SDCCAG8: variants seen among roughly 807,000 people sequenced by gnomAD.
SDCCAG8 encodes the protein SHH signaling and ciliogenesis regulator SDCCAG8.
SDCCAG8 carries 74 observed loss-of-function variants against 101.8 expected under a neutral mutation model. That is an observed-to-expected ratio of 0.73 (90% CI 0.60 to 0.88). SDCCAG8 has a LOEUF of 0.88. SDCCAG8 is among the 40% of genes least tolerant of loss of function. The pLI, the probability that SDCCAG8 is intolerant of heterozygous loss-of-function variation, is 0.00. For synonymous variants in SDCCAG8, 281 were observed against 292.9 expected, an observed-to-expected ratio of 0.96 and a Z score of 0.41; for missense variants, 787 against 822.6, an observed-to-expected ratio of 0.96 and a Z score of 0.53.
chr1:243,259,457 T>C (rs919531170), intron 1 of SDCCAG8, among the ~76,000 whole-genome samples: 1 of 152,054 alleles, frequency 6.6e-6, no homozygotes, highest in Non-Finnish European at 1.5e-5. Flanking sequence ...TTCTTTAATG[T>C]TGGTACTATT....
intron 16 of SDCCAG8, among the ~76,000 whole-genome samples, chr1:243,460,348 G>C (rs186523239): frequency 2.6e-5 from 4 of 151,990 alleles, no homozygotes; most frequent in African/African-American, 9.7e-5. Flanking sequence ...GAGGATCTCC[G>C]GGAGGATTCT....
At chr1:243,444,395 G>C (rs544848161) in intron 16 of SDCCAG8, among the ~76,000 whole-genome samples, 15 of 150,438 alleles carry the variant, frequency 1.0e-4, no homozygotes, top group African/African-American at 3.7e-4. Flanking sequence ...TTTTTGGGAT[G>C]GAGTCTCGCT....
At chr1:243,431,231 T>C (rs2081741989) in intron 16 of SDCCAG8, among the ~76,000 whole-genome samples, 1 of 151,982 alleles carries the variant, frequency 6.6e-6, no homozygotes, top group Admixed American at 6.6e-5. Flanking sequence ...ATTAGGGAGT[T>C]TTTGGACTTA....
At chr1:243,308,833 T>C (rs1047597489) in intron 8 of SDCCAG8, among the ~76,000 whole-genome samples, 4 of 152,224 alleles carry the variant, frequency 2.6e-5, no homozygotes, top group African/African-American at 9.6e-5. Flanking sequence ...TTGAGAATTA[T>C]TATGTAATAT....
intron 10 of SDCCAG8, among the ~76,000 whole-genome samples, chr1:243,334,937 T>G (rs2074893654): frequency 6.6e-6 from 1 of 152,158 alleles, no homozygotes; most frequent in South Asian, 2.1e-4. Flanking sequence ...ATAGCTGAAT[T>G]GGGACCGTCT....
At chr1:243,309,850 T>A (rs892245521) in intron 8 of SDCCAG8, among the ~76,000 whole-genome samples, 3 of 148,390 alleles carry the variant, frequency 2.0e-5, no homozygotes, top group Non-Finnish European at 3.0e-5. Context: ...GACTGGTAGT[T>A]TTTTATGTTT....
intron 5 of SDCCAG8, among the ~76,000 whole-genome samples, chr1:243,291,280 G>T (rs2070234535): frequency 6.6e-6 from 1 of 152,224 alleles, no homozygotes; most frequent in African/African-American, 2.4e-5. Context: ...TACATTGAAT[G>T]TTGAGAGGGT....
intron 16 of SDCCAG8, among the ~76,000 whole-genome samples, chr1:243,441,082 G>A (rs2082504411): frequency 6.6e-6 from 1 of 152,156 alleles, no homozygotes; most frequent in Non-Finnish European, 1.5e-5. Flanking sequence ...CAGCTTTAAG[G>A]AGCCGGTATT....
In SDCCAG8 at chr1:243,346,479, C is replaced by T. The variant is rs546088929; in HGVS notation, c.1473+2148C>T. Among the ~76,000 whole-genome samples the T allele has an allele frequency of 2.0e-5, 3 of 152,294 alleles. No homozygotes were observed. In the South Asian group the frequency reaches 6.2e-4, roughly 32 times the overall value. On this transcript the variant is annotated intron_variant, in intron 12 of 17. Transcript: ENST00000366541. Reference sequence around the variant, plus strand: ...TTTTAGTTCATCTGACCACTTGATACATTTTTAAAGTGGGTGGGAAACTGT... The same window carrying T: ...TTTTAGTTCATCTGACCACTTGATATATTTTTAAAGTGGGTGGGAAACTGT...
chr1:243,497,474 C>G (rs112174704), intron 17 of SDCCAG8, among the ~76,000 whole-genome samples: 149 of 152,200 alleles, frequency 9.8e-4, no homozygotes, highest in African/African-American at 3.4e-3. Context: ...AGGAAGGAAT[C>G]AGGCTGACTT....
chr1:243,483,665 C>T lies in SDCCAG8; in HGVS notation c.1986-5349C>T, dbSNP rs541537064. 2.6e-5 allele frequency among the ~76,000 whole-genome samples: 4 copies of T among 152,290 alleles called. No individual in the cohort carries two copies. The East Asian group carries it at 7.8e-4, about 30-fold the overall frequency. On this transcript the variant is annotated intron_variant, in intron 16 of 17. Transcript: ENST00000366541. ...CTTCTGCCCCAGCCAGGAGGCTCCG[C>T]AGGGCGCTCCGCCACCAGGTGGCAT...
At chr1:243,295,516 A>G (rs182070979) in intron 6 of SDCCAG8, among the ~76,000 whole-genome samples, 89 of 152,268 alleles carry the variant, frequency 5.8e-4, no homozygotes, top group Non-Finnish European at 1.2e-3. Flanking sequence ...GATTACAGGC[A>G]TGAGCCACTG....
chr1:243,468,642 ATGCCAG>A (rs1214096003), intron 16 of SDCCAG8, among the ~76,000 whole-genome samples: 1 of 152,218 alleles, frequency 6.6e-6, no homozygotes, highest in Non-Finnish European at 1.5e-5. Flanking sequence ...AGCTGTGATC[ATGCCAG>A]TGCACTCCAG....
chr1:243,447,934 T>G (rs2083058427), intron 16 of SDCCAG8, among the ~76,000 whole-genome samples: 1 of 152,180 alleles, frequency 6.6e-6, no homozygotes, highest in South Asian at 2.1e-4. Context: ...CCTGTGGCAT[T>G]TCTTAGAGGA....
chr1:243,403,700 T>A (rs1219706666), intron 13 of SDCCAG8, among the ~76,000 whole-genome samples: 1 of 152,064 alleles, frequency 6.6e-6, no homozygotes, highest in Non-Finnish European at 1.5e-5. Flanking sequence ...GGGATCTAGG[T>A]TGTGCACTCC....
intron 17 of SDCCAG8, among the ~76,000 whole-genome samples, chr1:243,497,702 C>G (rs185728921): frequency 1.3e-5 from 2 of 152,298 alleles, no homozygotes; most frequent in East Asian, 1.9e-4. Flanking sequence ...CAGGTCTTTA[C>G]GCCTATTCTG....
intron 10 of SDCCAG8, among the ~76,000 whole-genome samples, chr1:243,333,333 C>A (rs990217665): frequency 6.6e-6 from 1 of 152,192 alleles, no homozygotes; most frequent in Non-Finnish European, 1.5e-5. Flanking sequence ...TTCTTCTAAT[C>A]TGTGGTTCTT....
intron 13 of SDCCAG8, among the ~76,000 whole-genome samples, chr1:243,413,797 T>C (rs140232362): frequency 1.3e-5 from 2 of 152,236 alleles, no homozygotes; most frequent in African/African-American, 4.8e-5. Context: ...TGACAGGGCT[T>C]TTTGTTTTTT....
intron 9 of SDCCAG8, among the ~76,000 whole-genome samples, chr1:243,329,063 A>G (rs147022852): frequency 9.9e-4 from 151 of 152,330 alleles, no homozygotes; most frequent in Non-Finnish European, 1.9e-3. Context: ...TTTTCACAAG[A>G]GCAATTACAT....
Sources: allele counts gnomAD v4.1 joint callset (sites outside exome capture counted in the v4.1 genomes callset), GRCh38; gene constraint gnomAD v4.1.1; transcripts MANE v1.5; gene names NCBI Gene and HGNC (gene_info 2026-07-23, HGNC 2026-07-21).